The following TANGO6 variants were observed in gnomAD, a reference collection of about 807,000 sequenced individuals.
TANGO6 encodes the protein transport and golgi organization 6 homolog, also known as transport and Golgi organization protein 6 homolog.
Under a neutral mutation model 114.2 loss-of-function variants are expected in TANGO6, and 90 were observed. That is an observed-to-expected ratio of 0.79 (90% confidence interval 0.66 to 0.94). The LOEUF is 0.94. TANGO6 is among the 40% of genes least tolerant of loss of function. TANGO6 has a pLI of 0.00. For synonymous variants in TANGO6, 477 were observed against 509.8 expected (o/e 0.94, Z 0.87); for missense variants, 1,274 against 1,315.3 (o/e 0.97, Z 0.49).
In TANGO6 at chr16:68,878,231, T is replaced by C. The variant is rs755954028; in HGVS notation, c.1245T>C (p.Tyr415=). 1.9e-6 allele frequency: 3 copies of C among 1,613,228 alleles called. No individual in the cohort carries two copies. Among genetic ancestry groups the C allele is most frequent in the Middle Eastern group, 1.6e-4 (1 of 6,062 alleles). The stretch of plus-strand genomic sequence containing the variant: ...AACGCCCACATTTGGCAGCAAAGTA[T>C]TTGCTCCAGCCAGTGTTAGCTCCTC... ...SRERPHLAAK[Y]LLQPVLAPLH... Residue 415 remains tyrosine (Y), a synonymous_variant, in exon 6 of 18, where the codon TAT becomes TAC. Coordinates refer to ENST00000261778, the MANE Select transcript of TANGO6 (RefSeq NM_024562.2).
intron 9 of TANGO6, among the ~76,000 whole-genome samples, chr16:68,903,670 C>CCAG (rs1197828327): frequency 1.3e-5 from 2 of 150,208 alleles, no homozygotes; most frequent in Non-Finnish European, 3.0e-5. Flanking sequence ...ACCTGTAATC[C>CCAG]CAGCACTTTG....
chr16:68,893,572 C>T (rs1024682947), intron 7 of TANGO6, among the ~76,000 whole-genome samples: 3 of 151,710 alleles, frequency 2.0e-5, no homozygotes, highest in Non-Finnish European at 4.4e-5. Context: ...ACCGTGTCTA[C>T]TAAAAATACA....
At chr16:68,897,600 C>T (rs780733691) in intron 7 of TANGO6, among the ~76,000 whole-genome samples, 17 of 142,440 alleles carry the variant, frequency 1.2e-4, no homozygotes, top group East Asian at 2.0e-4. Flanking sequence ...TTTTTTGAGA[C>T]GGTGTTTTAC....
chr16:68,964,849 G>T (rs1414329023), intron 14 of TANGO6, among the ~76,000 whole-genome samples: 6 of 151,960 alleles, frequency 3.9e-5, no homozygotes, highest in Non-Finnish European at 7.4e-5. Flanking sequence ...GATTACAGGC[G>T]TGAGCCACTG....
rs140805311 is a variant in TANGO6, at chr16:68,889,470, A to G, written c.1377+8840A>G. On this transcript the variant is annotated intron_variant, in intron 7 of 17. Transcript: ENST00000261778. ...CTTTCACTCTCCCTTTCTGTGTTTA[A>G]AAAAGATCATATTTGCACATGGTAC... is the stretch of plus-strand genomic sequence containing the variant. Among the ~76,000 whole-genome samples the G allele has an allele frequency of 5.0e-3, 759 of 152,274 alleles. 38 individuals are homozygous for G. Among genetic ancestry groups the G allele is most frequent in the Admixed American group, 0.044 (669 of 15,288 alleles).
chr16:68,984,038 GAAAAAAAAA>G (rs1165109764), intron 15 of TANGO6, among the ~76,000 whole-genome samples: 1 of 73,300 alleles, frequency 1.4e-5, no homozygotes, highest in Non-Finnish European at 2.9e-5. Flanking sequence ...GTCTCAAAAA[GAAAAAAAAA>G]AAAAAAAGAA....
At chr16:69,030,484 T>C (rs951081593) in intron 16 of TANGO6, among the ~76,000 whole-genome samples, 1 of 151,800 alleles carries the variant, frequency 6.6e-6, no homozygotes, top group Non-Finnish European at 1.5e-5. Flanking sequence ...GGGCGTGAGA[T>C]GGCCTGACAT....
Position 68,889,145 on chromosome 16 carries a change from C to T in TANGO6, c.1377+8515C>T, listed in dbSNP as rs1401615822. Among the ~76,000 whole-genome samples, 3 of 152,150 alleles carry T rather than the reference C, an allele frequency of 2.0e-5. No individual in the cohort carries two copies. In the East Asian group the frequency reaches 5.8e-4, roughly 29 times the overall value. On this transcript the variant is annotated intron_variant, in intron 7 of 17. Coordinates refer to ENST00000261778, the MANE Select transcript of TANGO6 (RefSeq NM_024562.2). Reference sequence around the variant, plus strand: ...ACCAATAGACTTTATTTTTTAAGAGCAGTTTTAGGTTCACAGAAAAATTAA... The same window carrying T: ...ACCAATAGACTTTATTTTTTAAGAGTAGTTTTAGGTTCACAGAAAAATTAA...
chr16:68,896,204 G>A (rs977481961), intron 7 of TANGO6, among the ~76,000 whole-genome samples: 2 of 151,938 alleles, frequency 1.3e-5, no homozygotes, highest in East Asian at 1.9e-4. Context: ...ACAGGGTTTC[G>A]TCATGTTGGC....
intron 14 of TANGO6, among the ~76,000 whole-genome samples, chr16:68,957,224 G>A (rs1488189895): frequency 1.3e-5 from 2 of 151,828 alleles, no homozygotes; most frequent in Non-Finnish European, 2.9e-5. Flanking sequence ...CTACAATTCA[G>A]TGTCATTAGT....
chr16:68,977,470 G>A (rs1184305638), intron 15 of TANGO6, among the ~76,000 whole-genome samples: 2 of 151,122 alleles, frequency 1.3e-5, no homozygotes, highest in African/African-American at 4.8e-5. Flanking sequence ...AAGGCGGGCG[G>A]ATCATGAGAC....
chr16:69,041,927 A>G (rs1365012361), intron 17 of TANGO6, among the ~76,000 whole-genome samples: 4 of 152,212 alleles, frequency 2.6e-5, no homozygotes, highest in Non-Finnish European at 4.4e-5. Flanking sequence ...GCTACAAGAT[A>G]GCTGCTGCAG....
chr16:68,845,586 A>G (rs1961790553), intron 1 of TANGO6, among the ~76,000 whole-genome samples: 1 of 152,194 alleles, frequency 6.6e-6, no homozygotes, highest in Non-Finnish European at 1.5e-5. Flanking sequence ...GAGGTGGGCC[A>G]TACCTGTAAT....
At chr16:68,902,254 T>G in intron 8 of TANGO6, 74 bp from the exon 9 acceptor site, 1 of 1,452,780 alleles carries the variant, frequency 6.9e-7, no homozygotes. Flanking sequence ...CAGCCTTTCT[T>G]TCTTTTTTTA....
chr16:68,860,270 C>T lies in TANGO6; in HGVS notation c.481C>T (p.Leu161Phe). ...FVVTLGICPY[L>F]MPGVGVPLRY... ...AGTTACCTTGGGTATCTGCCCCTAT[C>T]TCATGCCTGGTGTTGGAGTCCCTTT... The change falls in exon 2 of 18, where the codon CTC becomes TTC. Residue 161 changes from leucine (L) to phenylalanine (F), a missense_variant. By Grantham distance (22) the Leu-to-Phe change is conservative. Coordinates refer to ENST00000261778, the MANE Select transcript of TANGO6 (RefSeq NM_024562.2). 6.2e-7 allele frequency: 1 copy of T among 1,613,986 alleles called. No homozygotes were observed. The highest frequency in any genetic ancestry group is 8.5e-7 in the Non-Finnish European group (1 of 1,179,890).
intron 14 of TANGO6, among the ~76,000 whole-genome samples, chr16:68,971,350 G>A (rs1234977838): frequency 2.0e-5 from 3 of 151,862 alleles, no homozygotes; most frequent in African/African-American, 4.8e-5. Context: ...AGCTTACTGC[G>A]GCCTAGAACT....
intron 7 of TANGO6, among the ~76,000 whole-genome samples, chr16:68,898,215 C>T (rs886416927): frequency 1.3e-5 from 2 of 152,140 alleles, no homozygotes; most frequent in African/African-American, 4.8e-5. Context: ...CTGAACGCTG[C>T]TGTACACAGC....
At chr16:68,882,207 T>G (rs1962470882) in intron 7 of TANGO6, among the ~76,000 whole-genome samples, 1 of 151,964 alleles carries the variant, frequency 6.6e-6, no homozygotes, top group Non-Finnish European at 1.5e-5. Flanking sequence ...TGAAAACTTG[T>G]TCATATAGGC....
At chr16:68,865,672 G>A (rs1404471023) in intron 3 of TANGO6, among the ~76,000 whole-genome samples, 1 of 151,832 alleles carries the variant, frequency 6.6e-6, no homozygotes, top group Non-Finnish European at 1.5e-5. Context: ...CACTTTGGGA[G>A]GCTGAGGTGG....
Sources: gnomAD v4.1 joint callset for allele counts (sites outside exome capture counted in the v4.1 genomes callset) on GRCh38, gnomAD v4.1.1 for gene constraint, MANE v1.5 for transcripts, NCBI Gene and HGNC (gene_info 2026-07-23, HGNC 2026-07-21) for gene names.